Variants in ERCC6 observed in about 807,000 individuals in gnomAD.
The protein encoded by ERCC6 is ERCC excision repair 6, chromatin remodeling factor.
In ERCC6, 116 loss-of-function variants were observed where a neutral mutation model predicts 158.7. That is an observed-to-expected ratio of 0.73 (90% CI 0.63 to 0.85). ERCC6 has a LOEUF of 0.85. ERCC6 is among the 40% of genes least tolerant of loss of function. The probability of loss-of-function intolerance (pLI) is 0.00; values close to 1 mark genes in which losing one functional copy is unlikely to be tolerated. For missense variants in ERCC6, 1,698 were observed against 1,799.4 expected, an observed-to-expected ratio of 0.94 and a Z score of 1.02; for synonymous variants, 678 against 659.3, an observed-to-expected ratio of 1.03 and a Z score of -0.43.
intron 7 of ERCC6, among the ~76,000 whole-genome samples, chr10:49,498,620 A>G (rs1413096626): frequency 6.6e-6 from 1 of 152,244 alleles, no homozygotes; most frequent in African/African-American, 2.4e-5. Context: ...TCTGGGATGT[A>G]GTCCAATATG....
At chr10:49,502,487 T>G (rs1291010130) in intron 6 of ERCC6, 1 of 152,010 alleles carries the variant, frequency 6.6e-6, no homozygotes, top group East Asian at 1.9e-4. Context: ...CCAGGCCAGG[T>G]GGTTTGGACA....
chr10:49,483,654 G>C, intron 8 of ERCC6, 138 bp from the exon 9 acceptor site: 1 of 874,668 alleles, frequency 1.1e-6, no homozygotes. Flanking sequence ...ATCAGCACTG[G>C]AAGTGTACTT....
At chr10:49,530,175 T>C (rs1837435702) in intron 3 of ERCC6, among the ~76,000 whole-genome samples, 1 of 151,802 alleles carries the variant, frequency 6.6e-6, no homozygotes, top group African/African-American at 2.4e-5. Flanking sequence ...AAAGAAATGG[T>C]GATGCAGGAA....
intron 7 of ERCC6, 72 bp from the exon 8 acceptor site, chr10:49,493,324 C>T (rs1022456480): frequency 1.3e-6 from 2 of 1,573,546 alleles, no homozygotes; most frequent in Non-Finnish European, 1.7e-6. Context: ...CAAAAGATCC[C>T]CCAAAACAAC....
chr10:49,472,354 A>G, intron 16 of ERCC6, 22 bp downstream of exon 16: 2 of 1,606,144 alleles, frequency 1.2e-6, no homozygotes, highest in Non-Finnish European at 1.7e-6. Context: ...CACAGCCAAG[A>G]GTGGCCACTG....
chr10:49,474,404 T>G (rs1253176215), intron 12 of ERCC6, among the ~76,000 whole-genome samples, 162 bp from the exon 13 acceptor site: 2 of 152,156 alleles, frequency 1.3e-5, no homozygotes, highest in Middle Eastern at 3.2e-3. Flanking sequence ...TGGGAGAAAT[T>G]AACTTTCACT....
At chr10:49,481,370 C>G (rs537530480) in intron 10 of ERCC6, among the ~76,000 whole-genome samples, 1 of 152,240 alleles carries the variant, frequency 6.6e-6, no homozygotes, top group East Asian at 1.9e-4. Context: ...ACAGGAGATT[C>G]AGAGAAAGAA....
chr10:49,459,790 T>C (rs917365799), intron 20 of ERCC6, among the ~76,000 whole-genome samples: 29 of 152,098 alleles, frequency 1.9e-4, no homozygotes, highest in Non-Finnish European at 1.2e-4. Flanking sequence ...ACATGGGAAG[T>C]CAAAAAGGTA....
At chr10:49,508,798 A>G (rs1025102285) in intron 5 of ERCC6, among the ~76,000 whole-genome samples, 1 of 152,144 alleles carries the variant, frequency 6.6e-6, no homozygotes, top group South Asian at 2.1e-4. Flanking sequence ...ACAGCTAAAG[A>G]TGGGGCCGAC....
At chr10:49,466,889 C>T (rs1197187261) in intron 18 of ERCC6, among the ~76,000 whole-genome samples, 3 of 152,026 alleles carry the variant, frequency 2.0e-5, no homozygotes, top group South Asian at 2.1e-4. Flanking sequence ...CAGGTTCAAG[C>T]GATTCTCCCG....
At chr10:49,492,531 T>TCTATG (rs1361896819) in intron 8 of ERCC6, among the ~76,000 whole-genome samples, 1 of 152,168 alleles carries the variant, frequency 6.6e-6, no homozygotes, top group Non-Finnish European at 1.5e-5. Flanking sequence ...ATACAACGTA[T>TCTATG]CTATGCTACC....
chr10:49,537,465 G>A (rs1837625895), intron 1 of ERCC6, among the ~76,000 whole-genome samples: 1 of 150,938 alleles, frequency 6.6e-6, no homozygotes, highest in Admixed American at 6.6e-5. Flanking sequence ...AGAGTCTCAT[G>A]GGAAAAACAG....
At chr10:49,518,340 CAT>C (rs1837048213) in intron 5 of ERCC6, among the ~76,000 whole-genome samples, 1 of 152,260 alleles carries the variant, frequency 6.6e-6, no homozygotes, top group South Asian at 2.1e-4. Context: ...AGATCACTCT[CAT>C]GTGTCCCACA....
Position 49,515,995 on chromosome 10 carries a change from T to C in ERCC6, c.1397+8038A>G, listed in dbSNP as rs145226862. On this transcript the variant is annotated intron_variant, in intron 5 of 20. Transcript: ENST00000355832. ...CTGTCAATGTGATCCTTTCTCACTG[T>C]ACCTGTTGCCTGATGTCCCATTGAA... The C allele has an allele frequency of 2.8e-5, 45 of 1,614,194 alleles. No individual in the cohort carries two copies. The African/African-American group carries it at 5.1e-4, about 18-fold the overall frequency.
In ERCC6 at chr10:49,470,479, T is replaced by G. The variant is rs142094044; in HGVS notation, c.3481A>C (p.Ser1161Arg). ...LGLSYKRERP[S>R]QAQTEAFWEN... is the part of the protein sequence containing the mutation. The stretch of plus-strand genomic sequence containing the variant: ...CAAAAAGCTTCTGTTTGAGCCTGGC[T>G]GGGTCTTTCTCTTTTGTAAGAAAGA... The change falls in exon 18 of 21, where the codon AGC (serine) becomes CGC (arginine). Residue 1161 changes from serine (S) to arginine (R), a missense_variant. Ser to Arg is a moderately radical substitution (Grantham distance 110, BLOSUM62 -1). Coordinates refer to ENST00000355832, the MANE Select transcript of ERCC6 (RefSeq NM_000124.4). 2.9e-4 allele frequency: 474 copies of G among 1,614,186 alleles called. 1 individual carries two copies. The African/African-American group carries it at 5.6e-3, about 19-fold the overall frequency.
At chr10:49,519,086 T>C (rs571058143) in intron 5 of ERCC6, among the ~76,000 whole-genome samples, 4 of 152,230 alleles carry the variant, frequency 2.6e-5, no homozygotes, top group Non-Finnish European at 5.9e-5. Context: ...CATCTCCCTA[T>C]ATCCTCATCC....
At chr10:49,520,078 G>A (rs1837111470) in intron 5 of ERCC6, among the ~76,000 whole-genome samples, 1 of 152,212 alleles carries the variant, frequency 6.6e-6, no homozygotes, top group Non-Finnish European at 1.5e-5. Context: ...CATAAAAGAG[G>A]ATTTTTGAGA....
At chr10:49,511,865 C>G (rs1269594200) in intron 5 of ERCC6, among the ~76,000 whole-genome samples, 6 of 152,244 alleles carry the variant, frequency 3.9e-5, no homozygotes, top group Non-Finnish European at 7.4e-5. Context: ...GCATTACAGG[C>G]ATTTAACTGG....
Position 49,532,574 on chromosome 10 carries a change from T to C in ERCC6, c.391A>G (p.Lys131Glu). Residue 131 changes from lysine to glutamate, a missense_variant, in exon 2 of 21, where the codon AAG (lysine) becomes GAG (glutamate). Physicochemically the swap from Lys to Glu is moderately conservative, Grantham distance 56 (BLOSUM62 1). Transcript: ENST00000355832. ...TCATCCAGGACCGACCGATACTCCT[T>C]CTCCACGTCAACGAGCTGGGAGGCA... ...SRASQLVDVE[K>E]EYRSVLDDLT... is the part of the protein sequence containing the mutation. The C allele has an allele frequency of 4.3e-6, 7 of 1,614,162 alleles. No homozygotes were observed. Among genetic ancestry groups the C allele is most frequent in the Non-Finnish European group, 5.9e-6 (7 of 1,180,018 alleles).
Sources: allele counts gnomAD v4.1 joint callset (sites outside exome capture counted in the v4.1 genomes callset), GRCh38; gene constraint gnomAD v4.1.1; transcripts MANE v1.5; gene names NCBI Gene and HGNC (gene_info 2026-07-23, HGNC 2026-07-21).